Variants in SETD2 observed in about 807,000 individuals in gnomAD.
SETD2 encodes histone-lysine N-methyltransferase SETD2.
Under a neutral mutation model 242.1 loss-of-function variants are expected in SETD2, and 31 were observed. That is an observed-to-expected ratio of 0.13 (90% CI 0.10 to 0.17). The LOEUF (loss-of-function observed/expected upper bound fraction) is 0.17, where lower values mean the gene tolerates loss of function less well. Among genes scored for constraint, SETD2 ranks in the 10% least tolerant of loss-of-function variants. The pLI, the probability that SETD2 is intolerant of heterozygous loss-of-function variation, is 1.00. For synonymous variants in SETD2, 1,006 were observed against 1,066.5 expected (o/e 0.94, Z 1.11); for missense variants, 2,481 against 3,046.3 (o/e 0.81, Z 4.37).
In SETD2 at chr3:47,073,449, C is replaced by T. The variant is rs575362235; in HGVS notation, c.6061-6331G>A. Among the ~76,000 whole-genome samples, 13 of 152,004 alleles carry T rather than the reference C, an allele frequency of 8.6e-5. No individual in the cohort carries two copies. The South Asian group carries it at 2.7e-3, about 32-fold the overall frequency. On this transcript the variant is annotated intron_variant, in intron 12 of 20. Coordinates refer to ENST00000409792, the MANE Select transcript of SETD2 (RefSeq NM_014159.7). ...AGTCTGCACCTGAGTAGAGGGGAAG[C>T]GCAAGTAGGTCAAAGAGATTTGATT...
chr3:47,121,435 C>T lies in SETD2; in HGVS notation c.3201G>A (p.Gln1067=), dbSNP rs2043081770. 4 of 1,612,166 alleles carry T rather than the reference C, an allele frequency of 2.5e-6. No individual in the cohort carries two copies. The highest frequency in any genetic ancestry group is 3.4e-6 in the Non-Finnish European group (4 of 1,180,004). ...AATTCTTTGGCACAACCACAACAGACTGGAGACGGTTTCTTGGAATACTGC... is the reference window on the plus strand; with the variant it reads ...AATTCTTTGGCACAACCACAACAGATTGGAGACGGTTTCTTGGAATACTGC... ...DDSSIPRNRL[Q]SVVVVPKNST... Residue 1067 remains glutamine (Q), a synonymous_variant, in exon 3 of 21, where the codon CAG becomes CAA. Coordinates refer to ENST00000409792, the MANE Select transcript of SETD2 (RefSeq NM_014159.7).
At chr3:47,088,909 A>G (rs187842258) in intron 9 of SETD2, among the ~76,000 whole-genome samples, 29 of 152,326 alleles carry the variant, frequency 1.9e-4, no homozygotes, top group African/African-American at 7.0e-4. Context: ...TATTTATAAT[A>G]GCAAAAAATT....
chr3:47,111,398 T>A lies in SETD2; in HGVS notation c.4715+2478A>T, dbSNP rs146300690. On this transcript the variant is annotated intron_variant, in intron 5 of 20. Transcript: ENST00000409792. ...TAGGCAACATAGTGAGGACCCCATCTCTACAAAAAATAGAAAAATAAAGTA... is the reference window on the plus strand; with the variant it reads ...TAGGCAACATAGTGAGGACCCCATCACTACAAAAAATAGAAAAATAAAGTA... 5.1e-3 allele frequency among the ~76,000 whole-genome samples: 778 copies of A among 152,244 alleles called. 1 individual carries two copies. The highest frequency in any genetic ancestry group is 0.012 in the African/African-American group (494 of 41,546).
At chr3:47,154,931 T>C (rs998398342) in intron 1 of SETD2, among the ~76,000 whole-genome samples, 2 of 152,052 alleles carry the variant, frequency 1.3e-5, no homozygotes. Context: ...GAGGCGGAGC[T>C]TGCAGTGAGC....
intron 15 of SETD2, 108 bp from the exon 16 acceptor site, chr3:47,046,729 ATTT>A (rs1213698409): frequency 1.5e-5 from 15 of 990,004 alleles, no homozygotes; most frequent in Non-Finnish European, 2.0e-5. Flanking sequence ...ACATTTTAAA[ATTT>A]TTTGTTTATA....
chr3:47,077,093 T>C (rs2041113511), intron 12 of SETD2, among the ~76,000 whole-genome samples: 1 of 152,180 alleles, frequency 6.6e-6, no homozygotes, highest in Non-Finnish European at 1.5e-5. Flanking sequence ...CTGTGCCTTA[T>C]TTATTTTTCG....
At chr3:47,068,681 A>G (rs913785146) in intron 12 of SETD2, among the ~76,000 whole-genome samples, 3 of 151,820 alleles carry the variant, frequency 2.0e-5, no homozygotes, top group African/African-American at 7.3e-5. Flanking sequence ...ATTTTTAGTA[A>G]AGACAGGGTT....
At chr3:47,036,605 A>G (rs2039006507) in intron 18 of SETD2, among the ~76,000 whole-genome samples, 1 of 152,024 alleles carries the variant, frequency 6.6e-6, no homozygotes, top group Non-Finnish European at 1.5e-5. Flanking sequence ...GGCACTAACA[A>G]CAGAATGCAA....
chr3:47,032,738 CCT>C (rs1277466197), intron 18 of SETD2, among the ~76,000 whole-genome samples: 1 of 151,958 alleles, frequency 6.6e-6, no homozygotes, highest in African/African-American at 2.4e-5. Flanking sequence ...ATGGTGAAAC[CCT>C]GTCTCTACTC....
At chr3:47,135,518 C>T (rs1424888581) in intron 1 of SETD2, among the ~76,000 whole-genome samples, 1 of 152,250 alleles carries the variant, frequency 6.6e-6, no homozygotes, top group Non-Finnish European at 1.5e-5. Flanking sequence ...CTCAAACAAT[C>T]TGTCCGCCTT....
At chr3:47,075,965 T>G (rs182811245) in intron 12 of SETD2, among the ~76,000 whole-genome samples, 1 of 152,316 alleles carries the variant, frequency 6.6e-6, no homozygotes, top group East Asian at 1.9e-4. Flanking sequence ...CATTCACATA[T>G]TTTTGAAATG....
intron 11 of SETD2, among the ~76,000 whole-genome samples, chr3:47,084,937 G>A (rs560644225): frequency 6.7e-6 from 1 of 149,532 alleles, no homozygotes; most frequent in Non-Finnish European, 1.5e-5. Flanking sequence ...CTCCATGTTG[G>A]TCAGGCTGGT....
intron 1 of SETD2, among the ~76,000 whole-genome samples, chr3:47,153,024 A>T (rs2044031001): frequency 6.6e-6 from 1 of 152,224 alleles, no homozygotes; most frequent in African/African-American, 2.4e-5. Context: ...CATTAGCTTG[A>T]CCAAAAACAC....
intron 17 of SETD2, chr3:47,041,449 C>A: frequency 2.6e-6 from 1 of 380,544 alleles, no homozygotes; most frequent in Non-Finnish European, 5.2e-6. Flanking sequence ...GGAGTTCGTG[C>A]AGATCAGTCT....
chr3:47,075,989 C>A (rs565796845), intron 12 of SETD2, among the ~76,000 whole-genome samples: 1 of 152,330 alleles, frequency 6.6e-6, no homozygotes, highest in African/African-American at 2.4e-5. Flanking sequence ...AACTACATTA[C>A]CAAGCTCTTC....
At chr3:47,118,921 A>G (rs944140567) in intron 3 of SETD2, among the ~76,000 whole-genome samples, 1 of 152,154 alleles carries the variant, frequency 6.6e-6, no homozygotes, top group Non-Finnish European at 1.5e-5. Flanking sequence ...TTTTAAATGT[A>G]AACTTAATTT....
At chr3:47,075,236 T>C (rs1444088638) in intron 12 of SETD2, among the ~76,000 whole-genome samples, 1 of 151,776 alleles carries the variant, frequency 6.6e-6, no homozygotes, top group Non-Finnish European at 1.5e-5. Flanking sequence ...TCAGACTTAT[T>C]ATAGTTTCTA....
chr3:47,069,863 G>T (rs1016796651), intron 12 of SETD2, among the ~76,000 whole-genome samples: 24 of 152,130 alleles, frequency 1.6e-4, no homozygotes, highest in African/African-American at 5.8e-4. Flanking sequence ...ACAGGAAAAA[G>T]TAAGAACGCC....
intron 9 of SETD2, among the ~76,000 whole-genome samples, chr3:47,088,978 A>G (rs1209298477): frequency 1.3e-5 from 2 of 152,212 alleles, no homozygotes; most frequent in Non-Finnish European, 1.5e-5. Context: ...TCAATGAAAT[A>G]TAATACTACA....
Sources: gnomAD v4.1 joint callset for allele counts (sites outside exome capture counted in the v4.1 genomes callset) on GRCh38, gnomAD v4.1.1 for gene constraint, MANE v1.5 for transcripts, NCBI Gene and HGNC (gene_info 2026-07-23, HGNC 2026-07-21) for gene names.